SORCS2: variants seen among roughly 807,000 people sequenced by gnomAD.
SORCS2 encodes VPS10 domain-containing receptor SorCS2.
A neutral mutation model predicts 141.6 loss-of-function variants in SORCS2; 100 were observed. The observed-to-expected ratio is 0.71, with a 90% CI of 0.60 to 0.83. The LOEUF (loss-of-function observed/expected upper bound fraction) is 0.83, where lower values mean the gene tolerates loss of function less well. Ranked by LOEUF, SORCS2 falls within the 40% of genes least tolerant of loss-of-function variation. The pLI, the probability that SORCS2 is intolerant of heterozygous loss-of-function variation, is 0.00. For synonymous variants in SORCS2, 789 were observed against 676.9 expected (o/e 1.17, Z -2.57); for missense variants, 1,646 against 1,560.2 (o/e 1.05, Z -0.93).
intron 1 of SORCS2, among the ~76,000 whole-genome samples, chr4:7,371,649 G>A (rs909875171): frequency 3.9e-5 from 6 of 152,160 alleles, no homozygotes; most frequent in African/African-American, 7.2e-5. Context: ...TGTGGTACAC[G>A]TGGGTTCTGG....
intron 1 of SORCS2, among the ~76,000 whole-genome samples, chr4:7,244,068 C>T (rs1712903558): frequency 6.6e-6 from 1 of 152,212 alleles, no homozygotes; most frequent in African/African-American, 2.4e-5. Context: ...TTGTCGTTGA[C>T]TCACTGCAGC....
chr4:7,224,489 G>C (rs2108765973), intron 1 of SORCS2, among the ~76,000 whole-genome samples: 1 of 144,870 alleles, frequency 6.9e-6, no homozygotes, highest in East Asian at 2.0e-4. Context: ...TTTTGCTTTG[G>C]TCAGCTGCTG....
chr4:7,504,169 C>A (rs542721990), intron 2 of SORCS2, among the ~76,000 whole-genome samples: 1 of 152,184 alleles, frequency 6.6e-6, no homozygotes, highest in Non-Finnish European at 1.5e-5. Flanking sequence ...GCTCAGGGAC[C>A]CTTGGGAATC....
At chr4:7,331,687 G>T (rs1719663549) in intron 1 of SORCS2, among the ~76,000 whole-genome samples, 1 of 152,194 alleles carries the variant, frequency 6.6e-6, no homozygotes, top group Non-Finnish European at 1.5e-5. Context: ...TTCTGATTCA[G>T]TGGGTCGGGG....
At chr4:7,263,512 A>G (rs1714509218) in intron 1 of SORCS2, among the ~76,000 whole-genome samples, 1 of 152,158 alleles carries the variant, frequency 6.6e-6, no homozygotes, top group Non-Finnish European at 1.5e-5. Flanking sequence ...GTCCGACCTG[A>G]TTGCGAACCT....
At chr4:7,635,676 T>A (rs996084950) in intron 3 of SORCS2, among the ~76,000 whole-genome samples, 2 of 152,220 alleles carry the variant, frequency 1.3e-5, no homozygotes, top group African/African-American at 4.8e-5. Context: ...CGTTATTATG[T>A]AATCAAAGCC....
In SORCS2 at chr4:7,664,305, G is replaced by T; in HGVS notation, c.953-48G>T. The T allele has an allele frequency of 6.6e-7, 1 of 1,514,960 alleles. No homozygotes were observed. Among genetic ancestry groups the T allele is most frequent in the South Asian group, 1.2e-5 (1 of 86,584 alleles). The allele number at this position is 1,514,960 out of a possible 1,614,324, so 93.8% of individuals were successfully genotyped here. ...CCAGCACATGTCTCGGGCCGTCTCT[G>T]GCTCCGGCTGGAGTCTGACCGCCTG... On this transcript the variant is annotated intron_variant, in intron 6 of 26. Transcript: ENST00000507866. This position sits in a 1 kb window ranked among gnomAD's most constrained non-coding sequence, Gnocchi z 4.7.
At chr4:7,308,710 T>C (rs1418834662) in intron 1 of SORCS2, among the ~76,000 whole-genome samples, 1 of 151,494 alleles carries the variant, frequency 6.6e-6, no homozygotes, top group African/African-American at 2.4e-5. Context: ...ACCAGCACCC[T>C]GTCCTCTCTC....
At chr4:7,682,097 A>G (rs1346494253) in intron 9 of SORCS2, among the ~76,000 whole-genome samples, 1 of 152,344 alleles carries the variant, frequency 6.6e-6, no homozygotes, top group East Asian at 1.9e-4. Context: ...CACGTTTCTT[A>G]TAGGTCAACT....
At chr4:7,231,500 C>T (rs906197617) in intron 1 of SORCS2, among the ~76,000 whole-genome samples, 3 of 152,218 alleles carry the variant, frequency 2.0e-5, no homozygotes, top group African/African-American at 7.2e-5. Context: ...ATCACTCATC[C>T]GTTTGTCTGC....
In SORCS2 at chr4:7,528,401, C is replaced by T. The variant is rs534181788; in HGVS notation, c.549-3129C>T. On this transcript the variant is annotated intron_variant, in intron 2 of 26. Coordinates refer to ENST00000507866, the MANE Select transcript of SORCS2 (RefSeq NM_020777.3). ...GCTTCCTAGGCACTGGCAGCTGCTA[C>T]GTTTTTTTTTTTGTTGTTGTTTTTT... Among the ~76,000 whole-genome samples, 26 of 100,910 alleles carry T rather than the reference C, an allele frequency of 2.6e-4. 1 individual carries two copies. In the East Asian group the frequency reaches 0.021, roughly 82 times the overall value. 66.2% of individuals were successfully genotyped at this position (100,910 alleles called of 152,430 possible).
chr4:7,283,193 C>T (rs1715998960), intron 1 of SORCS2, among the ~76,000 whole-genome samples: 1 of 152,160 alleles, frequency 6.6e-6, no homozygotes, highest in African/African-American at 2.4e-5. Context: ...GGCTTCGTGT[C>T]CAGTGGGGGA....
intron 2 of SORCS2, among the ~76,000 whole-genome samples, chr4:7,398,650 A>G (rs1724374290): frequency 6.6e-6 from 1 of 152,244 alleles, no homozygotes; most frequent in African/African-American, 2.4e-5. Flanking sequence ...TTATATAGGT[A>G]GAGACACAGA....
chr4:7,373,132 T>C (rs991602129), intron 1 of SORCS2, among the ~76,000 whole-genome samples: 4 of 151,604 alleles, frequency 2.6e-5, no homozygotes, highest in African/African-American at 7.3e-5. Context: ...ATGATAAATA[T>C]ATGTTTAACT....
At chr4:7,570,776 G>A (rs768354174) in intron 3 of SORCS2, among the ~76,000 whole-genome samples, 19 of 152,190 alleles carry the variant, frequency 1.2e-4, no homozygotes, top group Non-Finnish European at 1.6e-4. Context: ...ATCCAGAGGG[G>A]AGGGTTTTAA....
intron 3 of SORCS2, among the ~76,000 whole-genome samples, chr4:7,626,553 A>C (rs761455595): frequency 2.6e-5 from 4 of 152,234 alleles, no homozygotes; most frequent in Non-Finnish European, 4.4e-5. Context: ...TCATTCCTAC[A>C]TATGTACATC....
intron 14 of SORCS2, among the ~76,000 whole-genome samples, chr4:7,710,635 G>A (rs1435695078): frequency 6.6e-6 from 1 of 152,194 alleles, no homozygotes; most frequent in African/African-American, 2.4e-5. Context: ...TGTTGAGGCC[G>A]TCCAAGTGGG....
intron 2 of SORCS2, among the ~76,000 whole-genome samples, chr4:7,477,238 T>C (rs1256463956): frequency 6.6e-6 from 1 of 150,852 alleles, no homozygotes; most frequent in Non-Finnish European, 1.5e-5. Context: ...GCCTGAGTCA[T>C]TCAGAGTCAT....
intron 3 of SORCS2, among the ~76,000 whole-genome samples, chr4:7,611,123 G>A (rs16840646): frequency 2.0e-5 from 3 of 152,174 alleles, no homozygotes; most frequent in Admixed American, 6.5e-5. Context: ...TGCAGCTACT[G>A]AGGCTGTGAA....
Sources: gnomAD v4.1 joint callset for allele counts (sites outside exome capture counted in the v4.1 genomes callset) on GRCh38, gnomAD v4.1.1 for gene constraint, Gnocchi (gnomAD v3.1) non-coding constraint, MANE v1.5 for transcripts, NCBI Gene and HGNC (gene_info 2026-07-23, HGNC 2026-07-21) for gene names.